CCDC178: variants seen among roughly 807,000 people sequenced by gnomAD.
The protein encoded by CCDC178 is coiled-coil domain containing 178.
Under a neutral mutation model 117.4 loss-of-function variants are expected in CCDC178, and 126 were observed. The observed-to-expected ratio is 1.07, with a 90% CI of 0.93 to 1.24. CCDC178 has a LOEUF of 1.24. Among genes scored for constraint, CCDC178 ranks in the 50% most tolerant of loss-of-function variants. The pLI, the probability that CCDC178 is intolerant of heterozygous loss-of-function variation, is 0.00. For synonymous variants in CCDC178, 283 were observed against 313.4 expected (o/e 0.90, Z 1.02); for missense variants, 1,030 against 986.9 (o/e 1.04, Z -0.59).
At chr18:33,241,665 G>A (rs1471337141) in intron 15 of CCDC178, among the ~76,000 whole-genome samples, 1 of 151,278 alleles carries the variant, frequency 6.6e-6, no homozygotes, top group Non-Finnish European at 1.5e-5. Flanking sequence ...AACTAACGAG[G>A]TGAAATATTT....
At chr18:33,326,469 T>G (rs1248051414) in intron 10 of CCDC178, among the ~76,000 whole-genome samples, 1 of 152,138 alleles carries the variant, frequency 6.6e-6, no homozygotes, top group Non-Finnish European at 1.5e-5. Flanking sequence ...GGGTAAAATA[T>G]GTGCCTTGGC....
chr18:33,416,099 C>T (rs944708222), intron 2 of CCDC178, among the ~76,000 whole-genome samples: 2 of 152,152 alleles, frequency 1.3e-5, no homozygotes, highest in Admixed American at 6.5e-5. Context: ...TGCATTTAGA[C>T]AGTAACATCT....
intron 22 of CCDC178, among the ~76,000 whole-genome samples, chr18:32,970,576 A>C (rs1337549726): frequency 6.6e-6 from 1 of 152,016 alleles, no homozygotes; most frequent in Non-Finnish European, 1.5e-5. Flanking sequence ...ATTTTTAGTC[A>C]TGTTGGATCA....
At chr18:33,197,349 G>C (rs1050437158) in intron 20 of CCDC178, among the ~76,000 whole-genome samples, 3 of 152,094 alleles carry the variant, frequency 2.0e-5, no homozygotes, top group African/African-American at 7.2e-5. Flanking sequence ...AGTACCCAAA[G>C]AACAATGACA....
intron 15 of CCDC178, among the ~76,000 whole-genome samples, chr18:33,244,424 C>T (rs566431444): frequency 6.6e-6 from 1 of 151,892 alleles, no homozygotes; most frequent in South Asian, 2.1e-4. Context: ...TAATAATCCC[C>T]ACATGTCAAG....
chr18:33,094,518 A>G (rs2057514041), intron 20 of CCDC178, among the ~76,000 whole-genome samples: 1 of 151,858 alleles, frequency 6.6e-6, no homozygotes, highest in Non-Finnish European at 1.5e-5. Flanking sequence ...CAACTCTGAT[A>G]TCTGAGACAT....
At chr18:33,051,020 T>A (rs1416509525) in intron 21 of CCDC178, among the ~76,000 whole-genome samples, 1 of 152,064 alleles carries the variant, frequency 6.6e-6, no homozygotes, top group Non-Finnish European at 1.5e-5. Context: ...TCAAGTGATT[T>A]TCCTGCCTCA....
chr18:33,001,267 C>T (rs1487382807), intron 21 of CCDC178, among the ~76,000 whole-genome samples: 1 of 152,072 alleles, frequency 6.6e-6, no homozygotes, highest in African/African-American at 2.4e-5. Context: ...TGCCTGTAAT[C>T]CCAGCACTTT....
At chr18:33,036,258 G>A (rs59874382) in intron 21 of CCDC178, among the ~76,000 whole-genome samples, 8,533 of 151,476 alleles carry the variant, frequency 0.056, 394 homozygotes, top group African/African-American at 0.13. Context: ...TGATATTTTC[G>A]TTTAAAAGTA....
intron 5 of CCDC178, among the ~76,000 whole-genome samples, chr18:33,371,958 T>C (rs2144763737): frequency 6.6e-6 from 1 of 152,150 alleles, no homozygotes; most frequent in African/African-American, 2.4e-5. Flanking sequence ...AAACAAGCAG[T>C]CACTGTTACA....
intron 21 of CCDC178, among the ~76,000 whole-genome samples, chr18:33,077,073 C>G (rs1426536816): frequency 1.3e-5 from 2 of 152,176 alleles, no homozygotes; most frequent in Admixed American, 6.5e-5. Context: ...TATTTTATTA[C>G]TAAGCATTGC....
intron 12 of CCDC178, among the ~76,000 whole-genome samples, chr18:33,275,678 G>C (rs1251372522): frequency 8.5e-6 from 1 of 117,018 alleles, no homozygotes; most frequent in Admixed American, 8.6e-5. Flanking sequence ...GGGGAGGGGA[G>C]GGGAGGAGGG....
At chr18:33,033,829 AT>A (rs906490931) in intron 21 of CCDC178, among the ~76,000 whole-genome samples, 7 of 151,506 alleles carry the variant, frequency 4.6e-5, no homozygotes, top group African/African-American at 7.3e-5. Context: ...TTATCCCACT[AT>A]TTTTTTCAAA....
chr18:33,397,010 G>C (rs566169970), intron 4 of CCDC178, 139 bp downstream of exon 4: 2 of 608,240 alleles, frequency 3.3e-6, no homozygotes, highest in Non-Finnish European at 2.9e-6. Context: ...GAAGCGTTAC[G>C]ATTATTCTCA....
intron 22 of CCDC178, among the ~76,000 whole-genome samples, chr18:32,967,794 A>T (rs2054845814): frequency 6.6e-6 from 1 of 150,968 alleles, no homozygotes; most frequent in South Asian, 2.1e-4. Flanking sequence ...GAATGGAATC[A>T]TATAGAATGT....
intron 21 of CCDC178, among the ~76,000 whole-genome samples, chr18:33,016,091 G>A (rs1240092175): frequency 6.6e-5 from 10 of 152,012 alleles, no homozygotes; most frequent in Admixed American, 1.3e-4. Context: ...TCAAATTTCC[G>A]TATATAGAAA....
intron 20 of CCDC178, among the ~76,000 whole-genome samples, chr18:33,116,624 T>C (rs1384833561): frequency 6.6e-6 from 1 of 152,068 alleles, no homozygotes; most frequent in Non-Finnish European, 1.5e-5. Context: ...TATTTCCTTA[T>C]AGCTGTATGA....
chr18:33,077,574 A>G (rs1469619658), intron 21 of CCDC178, among the ~76,000 whole-genome samples: 1 of 152,172 alleles, frequency 6.6e-6, no homozygotes, highest in Non-Finnish European at 1.5e-5. Context: ...CCAAATAAAC[A>G]CAATTAGAAA....
intron 20 of CCDC178, among the ~76,000 whole-genome samples, chr18:33,159,800 T>G (rs543500490): frequency 1.3e-5 from 2 of 152,238 alleles, no homozygotes; most frequent in South Asian, 4.1e-4. Flanking sequence ...AAGACATATG[T>G]TTGTTCTCAT....
Sources: allele counts gnomAD v4.1 joint callset (sites outside exome capture counted in the v4.1 genomes callset), GRCh38; gene constraint gnomAD v4.1.1; transcripts MANE v1.5; gene names NCBI Gene and HGNC (gene_info 2026-07-23, HGNC 2026-07-21).